QTMAN: variants seen among roughly 807,000 people sequenced by gnomAD.
QTMAN encodes the protein queuosine-tRNA mannosyltransferase.
chr2:144,228,813 C>G, the QTMAN span, among the ~76,000 whole-genome samples: 1 of 152,098 alleles, frequency 6.6e-6, no homozygotes, highest in East Asian at 1.9e-4. Flanking sequence ...ACAAAATTAG[C>G]CGGGCGTGAT....
At chr2:143,998,639 T>A in the QTMAN span, among the ~76,000 whole-genome samples, 1 of 152,186 alleles carries the variant, frequency 6.6e-6, no homozygotes, top group East Asian at 1.9e-4. Flanking sequence ...ACTTAACACC[T>A]GGATTATGGT....
the QTMAN span, among the ~76,000 whole-genome samples, chr2:144,240,495 T>TA: frequency 6.6e-6 from 1 of 152,206 alleles, no homozygotes; most frequent in African/African-American, 2.4e-5. Flanking sequence ...AAACACAATG[T>TA]AAGGTTTCCA....
At chr2:144,323,590 G>C in the QTMAN span, among the ~76,000 whole-genome samples, 1 of 152,138 alleles carries the variant, frequency 6.6e-6, no homozygotes, top group Non-Finnish European at 1.5e-5. Context: ...GGACACTCCT[G>C]AAAGGGTCTC....
chr2:143,948,174 G>T, the QTMAN span, among the ~76,000 whole-genome samples: 5,805 of 152,248 alleles, frequency 0.038, 371 homozygotes, highest in African/African-American at 0.13. Context: ...CTTGTCTGTG[G>T]TTCAGGTACA....
At chr2:144,142,796 G>A in the QTMAN span, among the ~76,000 whole-genome samples, 2 of 151,846 alleles carry the variant, frequency 1.3e-5, no homozygotes, top group Admixed American at 1.3e-4. Context: ...ATAAAGCGCC[G>A]CAACACCATG....
the QTMAN span, chr2:143,946,966 C>T: frequency 1.1e-6 from 1 of 936,146 alleles, no homozygotes; most frequent in Admixed American, 2.1e-5. Context: ...ATTTTCTTTT[C>T]TCTCTGATCA....
At chr2:144,148,440 G>A in the QTMAN span, among the ~76,000 whole-genome samples, 5 of 151,850 alleles carry the variant, frequency 3.3e-5, no homozygotes, top group South Asian at 2.1e-4. Context: ...AGGCATTGTC[G>A]TACTGCAAAT....
At chr2:143,974,905 C>A in the QTMAN span, among the ~76,000 whole-genome samples, 1 of 152,078 alleles carries the variant, frequency 6.6e-6, no homozygotes, top group South Asian at 2.1e-4. Context: ...TTGACAGCTG[C>A]CAATCAAGAC....
At chr2:144,048,630 T>C in the QTMAN span, among the ~76,000 whole-genome samples, 22 of 152,152 alleles carry the variant, frequency 1.4e-4, no homozygotes, top group Non-Finnish European at 2.2e-4. Flanking sequence ...ATAAACCAAA[T>C]GGTTGAAAAG....
chr2:144,173,337 AAT>A, the QTMAN span, among the ~76,000 whole-genome samples: 1 of 152,176 alleles, frequency 6.6e-6, no homozygotes, highest in Non-Finnish European at 1.5e-5. Flanking sequence ...AAGGTGACAA[AAT>A]GTATGTGATT....
chr2:144,010,994 C>T, the QTMAN span, among the ~76,000 whole-genome samples: 1 of 152,208 alleles, frequency 6.6e-6, no homozygotes, highest in Non-Finnish European at 1.5e-5. Flanking sequence ...AATAATAGAA[C>T]TGGACAAGCT....
At chr2:144,293,970 G>A in the QTMAN span, among the ~76,000 whole-genome samples, 1 of 152,096 alleles carries the variant, frequency 6.6e-6, no homozygotes, top group Non-Finnish European at 1.5e-5. Flanking sequence ...ATAAACATAA[G>A]ATTTTACATG....
chr2:144,304,068 A>G, the QTMAN span, among the ~76,000 whole-genome samples: 66 of 152,362 alleles, frequency 4.3e-4, no homozygotes, highest in Non-Finnish European at 7.3e-4. Flanking sequence ...CTAAGATTCC[A>G]TGAGACTGGT....
the QTMAN span, among the ~76,000 whole-genome samples, chr2:143,998,299 T>C: frequency 6.6e-6 from 1 of 152,092 alleles, no homozygotes; most frequent in Non-Finnish European, 1.5e-5. Flanking sequence ...AGTATACATC[T>C]GAGTAAGAAC....
chr2:144,039,798 C>T, the QTMAN span, among the ~76,000 whole-genome samples: 1 of 152,312 alleles, frequency 6.6e-6, no homozygotes. Flanking sequence ...AACACACTGA[C>T]CAGCCCTGGC....
the QTMAN span, among the ~76,000 whole-genome samples, chr2:144,182,798 TTATATATATAATATATATA>T: frequency 6.5e-4 from 17 of 26,132 alleles, no homozygotes; most frequent in African/African-American, 1.5e-3. Context: ...TATATATATA[TTATATATATAATATATATA>T]TTATATATAT....
chr2:144,264,624 A>G, the QTMAN span, among the ~76,000 whole-genome samples: 5 of 152,226 alleles, frequency 3.3e-5, no homozygotes, highest in Non-Finnish European at 7.3e-5. Context: ...AAGCTATGGG[A>G]AATACGGGTG....
chr2:144,043,844 A>G, the QTMAN span, among the ~76,000 whole-genome samples: 2 of 152,320 alleles, frequency 1.3e-5, no homozygotes, highest in Admixed American at 1.3e-4. Flanking sequence ...ATGCAGCAAT[A>G]TCTGGAATTA....
the QTMAN span, among the ~76,000 whole-genome samples, chr2:144,146,772 T>C: frequency 3.9e-5 from 6 of 151,908 alleles, no homozygotes; most frequent in African/African-American, 1.4e-4. Flanking sequence ...GAATGCCACC[T>C]TTATAACATA....
Sources: gnomAD v4.1 joint callset for allele counts (sites outside exome capture counted in the v4.1 genomes callset) on GRCh38, gnomAD v4.1.1 for gene constraint, MANE v1.5 for transcripts, NCBI Gene and HGNC (gene_info 2026-07-23, HGNC 2026-07-21) for gene names.